Variants in KIF6 observed in about 807,000 individuals in gnomAD.
The protein encoded by KIF6 is kinesin family member 6, also known as kinesin-like protein KIF6.
Under a neutral mutation model 112.7 loss-of-function variants are expected in KIF6, and 106 were observed. The observed-to-expected ratio is 0.94, with a 90% CI of 0.80 to 1.11. The LOEUF (loss-of-function observed/expected upper bound fraction) is 1.11, where lower values mean the gene tolerates loss of function less well. Ranked by LOEUF, KIF6 falls within the 50% of genes least tolerant of loss-of-function variation. The pLI is 0.00. For synonymous variants in KIF6, 339 were observed against 339.9 expected (o/e 1.00, Z 0.03); for missense variants, 929 against 964.0 (o/e 0.96, Z 0.48).
At chr6:39,548,845 T>G (rs1779204627) in intron 10 of KIF6, among the ~76,000 whole-genome samples, 2 of 152,198 alleles carry the variant, frequency 1.3e-5, no homozygotes, top group African/African-American at 2.4e-5. Flanking sequence ...AGTCTATTTT[T>G]TAGGACAAGC....
intron 10 of KIF6, among the ~76,000 whole-genome samples, chr6:39,571,821 T>C (rs1780653375): frequency 6.6e-6 from 1 of 152,222 alleles, no homozygotes; most frequent in Admixed American, 6.5e-5. Flanking sequence ...AGTTAGTGTT[T>C]GCTATATGCA....
At chr6:39,454,557 G>C (rs1283539562) in intron 13 of KIF6, among the ~76,000 whole-genome samples, 1 of 144,604 alleles carries the variant, frequency 6.9e-6, no homozygotes, top group Non-Finnish European at 1.5e-5. Flanking sequence ...AAAAAAGATC[G>C]AGCGTGAGCG....
At chr6:39,640,314 G>A (rs1244607051) in intron 3 of KIF6, among the ~76,000 whole-genome samples, 1 of 152,048 alleles carries the variant, frequency 6.6e-6, no homozygotes, top group Non-Finnish European at 1.5e-5. Context: ...CTTCAGCCCT[G>A]CAGAGCGGCC....
chr6:39,655,956 T>C (rs894849646), intron 3 of KIF6, among the ~76,000 whole-genome samples: 1 of 152,216 alleles, frequency 6.6e-6, no homozygotes, highest in African/African-American at 2.4e-5. Flanking sequence ...AAGTCTCAGT[T>C]GCTCCTAATT....
chr6:39,659,775 T>G (rs1177877667), intron 3 of KIF6, among the ~76,000 whole-genome samples: 4 of 152,220 alleles, frequency 2.6e-5, no homozygotes, highest in Non-Finnish European at 5.9e-5. Flanking sequence ...GTGAGTCAAT[T>G]AAACCTCTTT....
chr6:39,349,142 C>T (rs564278000), intron 19 of KIF6, among the ~76,000 whole-genome samples: 1 of 152,144 alleles, frequency 6.6e-6, no homozygotes, highest in East Asian at 1.9e-4. Flanking sequence ...CCAGGGTTCT[C>T]GACTGCAGGG....
chr6:39,517,607 GA>G (rs1457088256), intron 13 of KIF6, among the ~76,000 whole-genome samples: 3 of 152,164 alleles, frequency 2.0e-5, no homozygotes, highest in Non-Finnish European at 4.4e-5. Context: ...TGGGGATAAT[GA>G]GGTCCTGTGG....
At chr6:39,615,845 G>A (rs576050257) in intron 5 of KIF6, among the ~76,000 whole-genome samples, 1 of 152,046 alleles carries the variant, frequency 6.6e-6, no homozygotes, top group South Asian at 2.1e-4. Context: ...GTCTTTCCAG[G>A]GCAAGTTTCT....
At chr6:39,670,179 T>C (rs1015094908) in intron 3 of KIF6, among the ~76,000 whole-genome samples, 4 of 152,120 alleles carry the variant, frequency 2.6e-5, no homozygotes, top group African/African-American at 9.7e-5. Context: ...TTGGGGAACA[T>C]CCAAGGAGAG....
intron 1 of KIF6, among the ~76,000 whole-genome samples, chr6:39,724,822 C>A (rs1365744201): frequency 6.6e-6 from 1 of 152,196 alleles, no homozygotes; most frequent in Non-Finnish European, 1.5e-5. Context: ...CTCTTGCTTG[C>A]ACGTTTTGCC....
chr6:39,515,429 C>T (rs1164966083), intron 13 of KIF6, among the ~76,000 whole-genome samples: 1 of 152,216 alleles, frequency 6.6e-6, no homozygotes, highest in Non-Finnish European at 1.5e-5. Flanking sequence ...GCGCAATCAT[C>T]TTTGCGTGCT....
intron 16 of KIF6, among the ~76,000 whole-genome samples, chr6:39,383,305 A>T (rs984545777): frequency 1.3e-5 from 2 of 152,208 alleles, no homozygotes; most frequent in Admixed American, 6.5e-5. Flanking sequence ...GAAGTCTTAC[A>T]TTTAAGTCTT....
intron 13 of KIF6, among the ~76,000 whole-genome samples, chr6:39,433,470 T>C (rs1397385278): frequency 2.0e-5 from 3 of 152,138 alleles, no homozygotes; most frequent in African/African-American, 7.2e-5. Context: ...AAAGTTACAC[T>C]GGAAGGATTT....
rs148596336 is a variant in KIF6 at position 39,556,472 on chromosome 6, T to C, written c.1182-10784A>G. Among the ~76,000 whole-genome samples the C allele has an allele frequency of 8.2e-3, 1,244 of 152,244 alleles. 13 individuals are homozygous for C. The highest frequency in any genetic ancestry group is 0.034 in the Middle Eastern group (10 of 294). On this transcript the variant is annotated intron_variant, in intron 10 of 22. Transcript: ENST00000287152. Reference sequence around the variant, plus strand: ...ATGAGCTGTGAAAGAGAAGTTAAACTGGCTTCGAAGCTGACAAAAGAGTGT... The same window carrying C: ...ATGAGCTGTGAAAGAGAAGTTAAACCGGCTTCGAAGCTGACAAAAGAGTGT...
intron 3 of KIF6, among the ~76,000 whole-genome samples, chr6:39,711,416 G>C (rs1789552184): frequency 6.6e-6 from 1 of 151,938 alleles, no homozygotes; most frequent in Non-Finnish European, 1.5e-5. Flanking sequence ...TATTAACACA[G>C]AGTGCTATAC....
chr6:39,664,420 C>T lies in KIF6; in HGVS notation c.252-24663G>A, dbSNP rs2480089. Among the ~76,000 whole-genome samples, 7 of 152,074 alleles carry T rather than the reference C, an allele frequency of 4.6e-5. No individual in the cohort carries two copies. In the South Asian group the frequency reaches 1.0e-3, roughly 23 times the overall value. ...CATCTCACTGACAGATGGCTGCATG[C>T]GGAAGGAGCTGGGATTATGTGTCCT... On this transcript the variant is annotated intron_variant, in intron 3 of 22. Coordinates refer to ENST00000287152, the MANE Select transcript of KIF6 (RefSeq NM_145027.6).
chr6:39,631,103 G>A (rs2150751864), intron 5 of KIF6, among the ~76,000 whole-genome samples: 1 of 151,962 alleles, frequency 6.6e-6, no homozygotes, highest in Non-Finnish European at 1.5e-5. Context: ...TGCATGTGTA[G>A]TCACAAGAGA....
At chr6:39,515,068 A>C (rs1248619684) in intron 13 of KIF6, among the ~76,000 whole-genome samples, 1 of 152,196 alleles carries the variant, frequency 6.6e-6, no homozygotes, top group African/African-American at 2.4e-5. Flanking sequence ...CTATATGAAA[A>C]ACCTTTTATA....
At chr6:39,521,748 A>G (rs1777414048) in intron 13 of KIF6, among the ~76,000 whole-genome samples, 1 of 152,136 alleles carries the variant, frequency 6.6e-6, no homozygotes, top group African/African-American at 2.4e-5. Context: ...CTACCACATC[A>G]TCCAGGAAGA....
Sources: gnomAD v4.1 joint callset for allele counts (sites outside exome capture counted in the v4.1 genomes callset) on GRCh38, gnomAD v4.1.1 for gene constraint, MANE v1.5 for transcripts, NCBI Gene and HGNC (gene_info 2026-07-23, HGNC 2026-07-21) for gene names.